Variants in NHLH2 observed in about 807,000 individuals in gnomAD.
The protein encoded by NHLH2 is nescient helix-loop-helix 2.
In NHLH2, 7 loss-of-function variants were observed where a neutral mutation model predicts 7.3. The ratio of observed to expected loss-of-function variants is 0.96; its 90% CI spans 0.55 to 1.81. The LOEUF (loss-of-function observed/expected upper bound fraction) is 1.81. Among genes scored for constraint, NHLH2 ranks in the 40% most tolerant of loss-of-function variants. NHLH2 has a pLI of 0.00. For synonymous variants in NHLH2, 93 were observed against 91.6 expected (o/e 1.01, Z -0.09); for missense variants, 155 against 194.0 (o/e 0.80, Z 1.19).
chr1:115,837,028 G>T lies in NHLH2; in HGVS notation c.*937C>A, dbSNP rs372795515. ...AAAGTTAGACATAATTATTCCACAGGAAAAAGTGTAAACACTTGACTATAA... is the reference window on the plus strand; with the variant it reads ...AAAGTTAGACATAATTATTCCACAGTAAAAAGTGTAAACACTTGACTATAA... On this transcript the variant is annotated 3_prime_UTR_variant, in exon 3 of 3. Coordinates refer to ENST00000320238, the MANE Select transcript of NHLH2 (RefSeq NM_005599.3). 17 of 152,306 alleles carry T rather than the reference G, an allele frequency of 1.1e-4. No homozygotes were observed. The highest frequency in any genetic ancestry group is 3.9e-4 in the African/African-American group (16 of 41,478). The allele number at this position is 152,306 out of a possible 1,614,324, so 9.4% of individuals were successfully genotyped here.
Position 115,838,131 on chromosome 1 carries a change from G to A in NHLH2, c.242C>T (p.Ala81Val). 1.2e-6 allele frequency: 2 copies of A among 1,601,980 alleles called. No homozygotes were observed. The highest frequency in any genetic ancestry group is 1.7e-6 in the Non-Finnish European group (2 of 1,175,346). The change falls in exon 3 of 3, where the codon GCC becomes GTC. Residue 81 changes from alanine to valine, a missense_variant. Physicochemically the swap from Ala to Val is moderately conservative, Grantham distance 64 (BLOSUM62 0). Coordinates refer to ENST00000320238, the MANE Select transcript of NHLH2 (RefSeq NM_005599.3). Reference sequence around the variant, plus strand: ...GCGGATGCGCTCGCGGGTGGCGTGGGCCGAGCGGTACTTGGCCGTGGCGCG... The same window carrying A: ...GCGGATGCGCTCGCGGGTGGCGTGGACCGAGCGGTACTTGGCCGTGGCGCG... ...RRRATAKYRS[A>V]HATRERIRVE...
chr1:115,838,247 C>T lies in NHLH2; in HGVS notation c.126G>A (p.Glu42=). 2 of 1,575,582 alleles carry T rather than the reference C, an allele frequency of 1.3e-6. No homozygotes were observed. Among genetic ancestry groups the T allele is most frequent in the Non-Finnish European group, 1.7e-6 (2 of 1,163,454 alleles). Reference sequence around the variant, plus strand: ...CGCCCTTGCCGTCGCCCTCGGCCTCCTCCACCGGCTCCAGGTCCGACACGC... The same window carrying T: ...CGCCCTTGCCGTCGCCCTCGGCCTCTTCCACCGGCTCCAGGTCCGACACGC... The part of the protein sequence containing the change: ...LGSVSDLEPV[E]EAEGDGKGGS... The change falls in exon 3 of 3, where the codon GAG becomes GAA. Residue 42 remains glutamate (E), a synonymous_variant. Transcript: ENST00000320238.
In NHLH2 at chr1:115,836,752, C is replaced by G. The variant is rs1650881470; in HGVS notation, c.*1213G>C. 6.6e-6 allele frequency: 1 copy of G among 152,046 alleles called. No individual in the cohort carries two copies. The highest frequency in any genetic ancestry group is 2.4e-5 in the African/African-American group (1 of 41,370). 9.4% of individuals were successfully genotyped at this position (152,046 alleles called of 1,614,324 possible). On this transcript the variant is annotated 3_prime_UTR_variant, in exon 3 of 3. Coordinates refer to ENST00000320238, the MANE Select transcript of NHLH2 (RefSeq NM_005599.3). ...CACAAACATCACACACACAAAGAAG[C>G]TACTCTCCTTATAAACAGCTTGTAA...
downstream of NHLH2, among the ~76,000 whole-genome samples, chr1:115,834,540 T>C (rs1486469833): frequency 6.6e-6 from 1 of 152,154 alleles, no homozygotes; most frequent in African/African-American, 2.4e-5. Flanking sequence ...GAAAAGGCAG[T>C]GCCAGTGGCA....
chr1:115,834,444 C>T (rs1219284391), downstream of NHLH2, among the ~76,000 whole-genome samples: 1 of 152,142 alleles, frequency 6.6e-6, no homozygotes, highest in African/African-American at 2.4e-5. Context: ...AAGGATGAGG[C>T]TGGGGCCAGC....
chr1:115,838,501 C>T, intron 2 of NHLH2, 121 bp from the exon 3 acceptor site: 2 of 1,168,170 alleles, frequency 1.7e-6, no homozygotes, highest in Non-Finnish European at 1.2e-6. Flanking sequence ...CCCCTCCCCA[C>T]AGCAGGCCGG....
chr1:115,838,589 C>A, intron 2 of NHLH2: 1 of 497,034 alleles, frequency 2.0e-6, no homozygotes, highest in South Asian at 3.5e-5. Flanking sequence ...CGGGAGCCGG[C>A]GGGGACGCGG....
chr1:115,832,695 G>C (rs1218925392), downstream of NHLH2, among the ~76,000 whole-genome samples: 1 of 152,212 alleles, frequency 6.6e-6, no homozygotes, highest in Non-Finnish European at 1.5e-5. Context: ...CAAACACAGA[G>C]ATGGGAGAAA....
chr1:115,837,865 T>G lies in NHLH2; in HGVS notation c.*100A>C. On this transcript the variant is annotated 3_prime_UTR_variant, in exon 3 of 3. Transcript: ENST00000320238. ...CCGTCTCTCGAGGCGGCCGTCTCGC[T>G]GGGCCACCGCAGCCTCCGCCACCCG... The G allele has an allele frequency of 7.6e-7, 1 of 1,316,228 alleles. No homozygotes were observed. The highest frequency in any genetic ancestry group is 1.4e-5 in the South Asian group (1 of 69,470). 81.5% of individuals were successfully genotyped at this position (1,316,228 alleles called of 1,614,324 possible).
At chr1:115,831,624 G>A (rs569718295), downstream of NHLH2, among the ~76,000 whole-genome samples, 1,053 of 152,098 alleles carry the variant, frequency 6.9e-3, 6 homozygotes, top group Non-Finnish European at 0.011. Context: ...TCTTAAAAAT[G>A]TACCCCTTGT....
downstream of NHLH2, among the ~76,000 whole-genome samples, chr1:115,834,497 G>A (rs1650820135): frequency 6.6e-6 from 1 of 152,200 alleles, no homozygotes; most frequent in African/African-American, 2.4e-5. Context: ...TTGGTCGCAT[G>A]AGCACTCAGA....
Position 115,838,216 on chromosome 1 carries a change from G to A in NHLH2, c.157C>T (p.Arg53Ter). The A allele has an allele frequency of 6.4e-7, 1 of 1,559,056 alleles. No individual in the cohort carries two copies. Among genetic ancestry groups the A allele is most frequent in the Non-Finnish European group, 8.7e-7 (1 of 1,154,288 alleles). Residue 53 changes from arginine (R) to a stop codon, truncating the protein, a stop_gained, in exon 3 of 3, where the codon CGA (arginine) becomes TGA (stop). Coordinates refer to ENST00000320238, the MANE Select transcript of NHLH2 (RefSeq NM_005599.3). LOFTEE classifies it high-confidence loss of function. ...TGCGGGTGCGGGTAGAGCGCGGCTCGGCTGCCGCCCTTGCCGTCGCCCTCG... is the reference window on the plus strand; with the variant it reads ...TGCGGGTGCGGGTAGAGCGCGGCTCAGCTGCCGCCCTTGCCGTCGCCCTCG... ...EAEGDGKGGS[R>*]AALYPHPQQL...
downstream of NHLH2, among the ~76,000 whole-genome samples, chr1:115,832,055 G>T (rs924400674): frequency 6.6e-6 from 1 of 152,090 alleles, no homozygotes; most frequent in African/African-American, 2.4e-5. Context: ...CTGAAAACTG[G>T]CCCTCTGCTT....
chr1:115,833,496 A>C (rs4501841), downstream of NHLH2, among the ~76,000 whole-genome samples: 51,959 of 151,708 alleles, frequency 0.34, 9,041 homozygotes, highest in Admixed American at 0.44. Context: ...GTGGTGTGTG[A>C]GTGGCACAGC....
In NHLH2 at chr1:115,838,023, T is replaced by A; in HGVS notation, c.350A>T (p.Glu117Val). ...GTAGCAGATGGCCAGGCGCAGGATC[T>A]CGATCTTGGAGAGCTTCTTGTCCGG... ...LPPDKKLSKI[E>V]ILRLAICYIS... The change falls in exon 3 of 3, where the codon GAG (glutamate) becomes GTG (valine). Residue 117 changes from glutamate to valine, a missense_variant. Coordinates refer to ENST00000320238, the MANE Select transcript of NHLH2 (RefSeq NM_005599.3). 1 of 1,610,544 alleles carries A rather than the reference T, an allele frequency of 6.2e-7. No individual in the cohort carries two copies. The highest frequency in any genetic ancestry group is 8.5e-7 in the Non-Finnish European group (1 of 1,178,628).
intron 1 of NHLH2, 185 bp downstream of exon 1, chr1:115,840,763 A>C (rs1485320516): frequency 9.6e-6 from 1 of 103,858 alleles, no homozygotes; most frequent in South Asian, 3.3e-4. Flanking sequence ...TTTTTTTGAG[A>C]TAAGGCTTTG....
downstream of NHLH2, among the ~76,000 whole-genome samples, chr1:115,835,037 A>C (rs1650834859): frequency 6.6e-6 from 1 of 152,168 alleles, no homozygotes; most frequent in African/African-American, 2.4e-5. Flanking sequence ...TGGATTTGAA[A>C]TGACATTGCA....
chr1:115,835,912 A>G (rs1364183483), downstream of NHLH2, among the ~76,000 whole-genome samples: 1 of 152,034 alleles, frequency 6.6e-6, no homozygotes, highest in Non-Finnish European at 1.5e-5. Context: ...TTTGAGTATT[A>G]CAATAGTAAT....
chr1:115,833,772 T>G (rs1362676917), downstream of NHLH2, among the ~76,000 whole-genome samples: 1 of 152,234 alleles, frequency 6.6e-6, no homozygotes, highest in Non-Finnish European at 1.5e-5. Context: ...CTAATACTGA[T>G]AAATGAGATA....
Sources: allele counts gnomAD v4.1 joint callset (sites outside exome capture counted in the v4.1 genomes callset), GRCh38; gene constraint gnomAD v4.1.1; transcripts MANE v1.5; gene names NCBI Gene and HGNC (gene_info 2026-07-23, HGNC 2026-07-21).